PLCL1: variants seen among roughly 807,000 people sequenced by gnomAD.
PLCL1 encodes inactive phospholipase C-like protein 1.
PLCL1 carries 41 observed loss-of-function variants against 84.4 expected under a neutral mutation model. The ratio of observed to expected loss-of-function variants is 0.49; its 90% CI spans 0.38 to 0.63. The LOEUF (loss-of-function observed/expected upper bound fraction) is 0.63. PLCL1 is among the 30% of genes least tolerant of loss of function. The pLI, the probability that PLCL1 is intolerant of heterozygous loss-of-function variation, is 0.00. For missense variants in PLCL1, 1,206 were observed against 1,367.8 expected (o/e 0.88, Z 1.87); for synonymous variants, 490 against 488.3 (o/e 1.00, Z -0.05).
chr2:198,092,139 T>C (rs1006511489), intron 3 of PLCL1, among the ~76,000 whole-genome samples: 1 of 151,888 alleles, frequency 6.6e-6, no homozygotes, highest in Non-Finnish European at 1.5e-5. Flanking sequence ...CAGCCTCACT[T>C]GCCTCTCTCA....
At chr2:197,974,937 C>G (rs1385679805) in intron 1 of PLCL1, among the ~76,000 whole-genome samples, 1 of 151,766 alleles carries the variant, frequency 6.6e-6, no homozygotes, top group African/African-American at 2.4e-5. Context: ...GTCAGGAGAT[C>G]GAGACCATCC....
chr2:197,937,467 T>C (rs571526809), intron 1 of PLCL1, among the ~76,000 whole-genome samples: 1 of 152,338 alleles, frequency 6.6e-6, no homozygotes, highest in East Asian at 1.9e-4. Context: ...TCTTTTGTAG[T>C]TTTCATTGTA....
At chr2:198,037,958 T>C (rs1691583863) in intron 1 of PLCL1, among the ~76,000 whole-genome samples, 1 of 152,176 alleles carries the variant, frequency 6.6e-6, no homozygotes, top group South Asian at 2.1e-4. Context: ...TGATGCATTT[T>C]CAAGAAACTG....
intron 1 of PLCL1, among the ~76,000 whole-genome samples, chr2:197,923,258 ACCC>A (rs1229801790): frequency 1.8e-5 from 2 of 110,866 alleles, no homozygotes. Context: ...CGGGGGGCTG[ACCC>A]CCCCCACCTC....
rs562426344 is a variant in PLCL1 at position 197,834,689 on chromosome 2, A to T, written c.240+29350A>T. Among the ~76,000 whole-genome samples, 157 of 152,350 alleles carry T rather than the reference A, an allele frequency of 1.0e-3. 5 individuals carry two copies. The South Asian group carries it at 0.032, about 31-fold the overall frequency. On this transcript the variant is annotated intron_variant, in intron 1 of 5. Coordinates refer to ENST00000428675, the MANE Select transcript of PLCL1 (RefSeq NM_006226.4). ...GATATGGAGAAATAGGAACGCTTGT[A>T]CACTGTTGGTGGGAGTGTAAATTAG... is the stretch of plus-strand genomic sequence containing the variant.
intron 1 of PLCL1, among the ~76,000 whole-genome samples, chr2:197,993,642 C>T (rs980448814): frequency 1.1e-4 from 17 of 152,192 alleles, no homozygotes; most frequent in African/African-American, 3.6e-4. Flanking sequence ...GAGAGAGCTA[C>T]ATCTGCAGGA....
At chr2:198,009,795 G>A (rs1194543385) in intron 1 of PLCL1, among the ~76,000 whole-genome samples, 3 of 151,846 alleles carry the variant, frequency 2.0e-5, no homozygotes, top group Non-Finnish European at 4.4e-5. Flanking sequence ...ACAATATTAA[G>A]TCTTTCAACC....
chr2:197,974,965 C>T, intron 1 of PLCL1, among the ~76,000 whole-genome samples: 1 of 151,692 alleles, frequency 6.6e-6, no homozygotes, highest in Non-Finnish European at 1.5e-5. Flanking sequence ...CAAGGTGAAA[C>T]CCCGTCTCTA....
intron 1 of PLCL1, among the ~76,000 whole-genome samples, chr2:197,967,928 T>C (rs931247886): frequency 3.9e-5 from 6 of 152,206 alleles, no homozygotes; most frequent in East Asian, 1.9e-4. Context: ...ATTTCTCCCT[T>C]GTTCTTGTAA....
chr2:197,957,578 C>G (rs1176013591), intron 1 of PLCL1, among the ~76,000 whole-genome samples: 1 of 151,992 alleles, frequency 6.6e-6, no homozygotes, highest in Non-Finnish European at 1.5e-5. Context: ...GCATTCTAGT[C>G]TTGGATATAG....
intron 1 of PLCL1, among the ~76,000 whole-genome samples, chr2:197,854,505 T>A (rs1330261808): frequency 6.6e-6 from 1 of 152,148 alleles, no homozygotes; most frequent in Non-Finnish European, 1.5e-5. Flanking sequence ...TTCAAATGAG[T>A]TTTTATTAAG....
At chr2:197,825,143 C>T (rs1034644237) in intron 1 of PLCL1, among the ~76,000 whole-genome samples, 1 of 152,018 alleles carries the variant, frequency 6.6e-6, no homozygotes, top group South Asian at 2.1e-4. Flanking sequence ...ATGAATATAA[C>T]ATTTTTCTGC....
intron 1 of PLCL1, among the ~76,000 whole-genome samples, chr2:197,960,623 A>G (rs538398964): frequency 1.3e-5 from 2 of 152,262 alleles, no homozygotes; most frequent in East Asian, 3.9e-4. Context: ...AAAGCTGCAG[A>G]AGGGAAAAGT....
At chr2:197,927,078 G>T (rs1456820260) in intron 1 of PLCL1, among the ~76,000 whole-genome samples, 1 of 152,214 alleles carries the variant, frequency 6.6e-6, no homozygotes, top group East Asian at 1.9e-4. Flanking sequence ...CGTGGACACT[G>T]AGGTTTCTTA....
chr2:198,141,980 A>T (rs1364130164), intron 5 of PLCL1, among the ~76,000 whole-genome samples: 1 of 152,094 alleles, frequency 6.6e-6, no homozygotes, highest in Non-Finnish European at 1.5e-5. Context: ...CATTTCCTTT[A>T]CACTTGATGA....
Position 198,079,136 on chromosome 2 carries a change from A to G in PLCL1, c.241-4622A>G, listed in dbSNP as rs138094941. ...AAAAATGATTTTTTTTTTAATTTTG[A>G]TTAAGGAGCTTGCATTATATCCAAT... On this transcript the variant is annotated intron_variant, in intron 1 of 5. Coordinates refer to ENST00000428675, the MANE Select transcript of PLCL1 (RefSeq NM_006226.4). Among the ~76,000 whole-genome samples, 74 of 151,848 alleles carry G rather than the reference A, an allele frequency of 4.9e-4. 2 individuals carry two copies. Among genetic ancestry groups the G allele is most frequent in the Non-Finnish European group, 6.2e-4 (42 of 67,860 alleles).
intron 1 of PLCL1, among the ~76,000 whole-genome samples, chr2:198,016,338 T>C (rs1690996526): frequency 6.6e-6 from 1 of 152,182 alleles, no homozygotes; most frequent in African/African-American, 2.4e-5. Context: ...GAAAATTGTT[T>C]CCCGTCAACT....
intron 1 of PLCL1, among the ~76,000 whole-genome samples, chr2:197,947,931 C>T (rs540949884): frequency 7.2e-5 from 11 of 152,068 alleles, no homozygotes; most frequent in Non-Finnish European, 1.3e-4. Context: ...GTCATGAAAA[C>T]CATTGGGGAG....
intron 1 of PLCL1, among the ~76,000 whole-genome samples, chr2:197,922,526 G>C (rs1688723784): frequency 8.0e-6 from 1 of 124,294 alleles, no homozygotes; most frequent in Non-Finnish European, 1.8e-5. Context: ...TGAGCTGTTG[G>C]GCACACCTCC....
Sources: allele counts gnomAD v4.1 joint callset (sites outside exome capture counted in the v4.1 genomes callset), GRCh38; gene constraint gnomAD v4.1.1; transcripts MANE v1.5; gene names NCBI Gene and HGNC (gene_info 2026-07-23, HGNC 2026-07-21).